CCNT1: variants seen among roughly 807,000 people sequenced by gnomAD.
CCNT1 encodes the protein cyclin T1.
CCNT1 carries 18 observed loss-of-function variants against 67.3 expected under a neutral mutation model. The observed-to-expected ratio is 0.27, with a 90% CI of 0.18 to 0.40. CCNT1 has a LOEUF of 0.40. Ranked by LOEUF, CCNT1 falls within the 10% of genes least tolerant of loss-of-function variation. The pLI, the probability that CCNT1 is intolerant of heterozygous loss-of-function variation, is 1.00. For missense variants in CCNT1, 744 were observed against 884.9 expected, an observed-to-expected ratio of 0.84 and a Z score of 2.02; for synonymous variants, 333 against 310.3, an observed-to-expected ratio of 1.07 and a Z score of -0.77.
intron 3 of CCNT1, among the ~76,000 whole-genome samples, chr12:48,704,795 C>T (rs1940329878): frequency 6.6e-6 from 1 of 151,818 alleles, no homozygotes; most frequent in Admixed American, 6.6e-5. Context: ...GCGACAAGAG[C>T]AAGATTCCGT....
intron 2 of CCNT1, among the ~76,000 whole-genome samples, chr12:48,712,608 A>G (rs2137245058): frequency 8.6e-6 from 1 of 116,308 alleles, no homozygotes; most frequent in East Asian, 4.8e-4. Flanking sequence ...AAAAAAAAAA[A>G]AAAAAAAAAA....
Position 48,690,916 on chromosome 12 carries a change from G to C in CCNT1, c.*2117C>G, listed in dbSNP as rs1940062082. ...CAAAGATACAGATGCAGACTAAATG[G>C]CACATTCCCTTTTGGAAACAGACTC... is the stretch of plus-strand genomic sequence containing the variant. On this transcript the variant is annotated 3_prime_UTR_variant, in exon 9 of 9. Transcript: ENST00000261900. 1 of 152,090 alleles carries C rather than the reference G, an allele frequency of 6.6e-6. No individual in the cohort carries two copies. The highest frequency in any genetic ancestry group is 2.1e-4 in the South Asian group (1 of 4,832). 9.4% of individuals were successfully genotyped at this position (152,090 alleles called of 1,614,324 possible).
At position 48,693,627 on chromosome 12, in the gene CCNT1, A is replaced by T. The variant is rs949231264; in HGVS notation, c.1587T>A (p.Ser529=). 43 of 1,614,048 alleles carry T rather than the reference A, an allele frequency of 2.7e-5. No homozygotes were observed. Among genetic ancestry groups the T allele is most frequent in the Non-Finnish European group, 3.5e-5 (41 of 1,180,046 alleles). ...CAGTACCAACTGGAAGTTGGGAATG[A>T]GAGTGCTTGTGTGAGTGGTGATTAT... The part of the protein sequence containing the change: ...HHHNHHSHKH[S]HSQLPVGTGN... The change falls in exon 9 of 9, where the codon TCT becomes TCA. Residue 529 remains serine (S), a synonymous_variant. Coordinates refer to ENST00000261900, the MANE Select transcript of CCNT1 (RefSeq NM_001240.4).
intron 3 of CCNT1, 150 bp downstream of exon 3, chr12:48,705,618 C>A (rs184848408): frequency 2.9e-6 from 2 of 682,224 alleles, no homozygotes; most frequent in East Asian, 5.6e-5. Flanking sequence ...CTAAAATATT[C>A]TTTTAACAAC....
rs754470311 is a variant in CCNT1 at position 48,693,348 on chromosome 12, G to A, written c.1866C>T (p.Gly622=). ...QMPGHSSDTS[G]LSFSQPSCKT... The stretch of plus-strand genomic sequence containing the variant: ...TACAGCTGGGCTGTGAAAAGGAAAG[G>A]CCACTTGTGTCTGAGCTATGCCCAG... Residue 622 remains glycine, a synonymous_variant, in exon 9 of 9, where the codon GGC becomes GGT. Transcript: ENST00000261900. 1.2e-6 allele frequency: 2 copies of A among 1,614,230 alleles called. No homozygotes were observed. Among genetic ancestry groups the A allele is most frequent in the South Asian group, 2.2e-5 (2 of 91,086 alleles).
rs1940347686 is a variant in CCNT1 at position 48,705,796 on chromosome 12, T to C, written c.344A>G (p.Gln115Arg). The C allele has an allele frequency of 6.2e-7, 1 of 1,612,698 alleles. No homozygotes were observed. ...IKVAHTCLHPQESLPDTRSEA... is the reference protein window; with the variant it reads ...IKVAHTCLHPRESLPDTRSEA... ...ACTTCTAGTATCAGGAAGGGATTCC[T>C]GAGGATGGAGACAAGTATGTGCTAC... is the stretch of plus-strand genomic sequence containing the variant. Residue 115 changes from glutamine (Q) to arginine (R), a missense_variant, in exon 3 of 9, where the codon CAG (glutamine) becomes CGG (arginine). Around this residue, in one of 3 missense-constraint regions of CCNT1, gnomAD observed 142 missense variants for 277.0 expected, o/e 0.51. Transcript: ENST00000261900.
chr12:48,704,574 G>A (rs1940325300), intron 3 of CCNT1, among the ~76,000 whole-genome samples: 1 of 152,190 alleles, frequency 6.6e-6, no homozygotes, highest in South Asian at 2.1e-4. Flanking sequence ...ACTGTGGGAG[G>A]CCAAGGCGGG....
At chr12:48,710,000 G>A (rs1940423987) in intron 2 of CCNT1, among the ~76,000 whole-genome samples, 1 of 151,578 alleles carries the variant, frequency 6.6e-6, no homozygotes, top group Non-Finnish European at 1.5e-5. Context: ...AAGCAATTCT[G>A]CCTCAGCCTC....
Position 48,692,392 on chromosome 12 carries a change from A to AC in CCNT1, c.*640dup, listed in dbSNP as rs1940089551. On this transcript the variant is annotated 3_prime_UTR_variant, in exon 9 of 9. Coordinates refer to ENST00000261900, the MANE Select transcript of CCNT1 (RefSeq NM_001240.4). ...CTTAAAAACACACATACCCACACTT[A>AC]CATACACACTTAAAAGTCTGAAAAA... 5 of 148,620 alleles carry AC rather than the reference A, an allele frequency of 3.4e-5. No individual in the cohort carries two copies. In the South Asian group the frequency reaches 1.0e-3, roughly 31 times the overall value. The allele number at this position is 148,620 out of a possible 1,614,324, so 9.2% of individuals were successfully genotyped here. A position where few individuals can be genotyped will look rare whatever the true frequency, so the allele number is the denominator to read the frequency against.
chr12:48,702,824 G>GA (rs898524236), intron 3 of CCNT1, among the ~76,000 whole-genome samples: 24 of 147,178 alleles, frequency 1.6e-4, no homozygotes, highest in African/African-American at 4.0e-4. Flanking sequence ...CTCAAAAAAA[G>GA]AAAAAAAAAA....
In CCNT1 at chr12:48,696,130, G is replaced by A; in HGVS notation, c.575C>T (p.Thr192Ile). 6.2e-7 allele frequency: 1 copy of A among 1,610,210 alleles called. No individual in the cohort carries two copies. Among genetic ancestry groups the A allele is most frequent in the Non-Finnish European group, 8.5e-7 (1 of 1,178,162 alleles). The part of the protein sequence containing the change: ...LHLTTFSLQY[T>I]PPVVACVCIH... The stretch of plus-strand genomic sequence containing the variant: ...GCAGACACAGGCCACCACAGGAGGT[G>A]TGTACTGCAGGCTAAATGTGGTCAA... Residue 192 changes from threonine to isoleucine, a missense_variant, in exon 7 of 9, where the codon ACA (threonine) becomes ATA (isoleucine). This residue lies in a region of CCNT1 where 142 missense variants were observed against 277.0 expected (regional missense o/e 0.51). Coordinates refer to ENST00000261900, the MANE Select transcript of CCNT1 (RefSeq NM_001240.4).
chr12:48,701,216 T>A (rs925834493), intron 3 of CCNT1, 143 bp from the exon 4 acceptor site: 36 of 166,458 alleles, frequency 2.2e-4, no homozygotes, highest in East Asian at 4.7e-4. Flanking sequence ...TGAAATACAA[T>A]CTTTTTTTTT....
In CCNT1 at chr12:48,708,059, C is replaced by T. The variant is rs78381680; in HGVS notation, c.244-2163G>A. ...CTCCAGCCTGGGCAACAGAGCCATA[C>T]TGTCTCAAAAAATAAAATAAAAGTT... On this transcript the variant is annotated intron_variant, in intron 2 of 8. Transcript: ENST00000261900. 5.8e-3 allele frequency among the ~76,000 whole-genome samples: 887 copies of T among 152,018 alleles called. 8 individuals carry two copies. The highest frequency in any genetic ancestry group is 0.02 in the African/African-American group (809 of 41,448).
At chr12:48,703,678 G>A (rs1436797368) in intron 3 of CCNT1, among the ~76,000 whole-genome samples, 2 of 151,960 alleles carry the variant, frequency 1.3e-5, no homozygotes, top group East Asian at 1.9e-4. Context: ...GCTCACGCCT[G>A]TAATCCCAGC....
chr12:48,702,059 G>T (rs1940279798), intron 3 of CCNT1, among the ~76,000 whole-genome samples: 1 of 151,906 alleles, frequency 6.6e-6, no homozygotes, highest in South Asian at 2.1e-4. Flanking sequence ...ACCACGCCCG[G>T]CTAGTTTTTG....
chr12:48,701,601 G>T (rs1239898913), intron 3 of CCNT1, among the ~76,000 whole-genome samples: 2 of 151,148 alleles, frequency 1.3e-5, no homozygotes, highest in Non-Finnish European at 3.0e-5. Context: ...TGTATTTTTT[G>T]CTTTTCTTTT....
intron 8 of CCNT1, 117 bp from the exon 9 acceptor site, chr12:48,694,553 A>G (rs1592117807): frequency 2.5e-6 from 2 of 809,724 alleles, no homozygotes; most frequent in East Asian, 2.5e-5. Flanking sequence ...CACAGGCAGG[A>G]GGCTATCCTA....
rs1329927462 is a variant in CCNT1, at chr12:48,714,503, A to G, written c.183T>C (p.Thr61=). The change falls in exon 2 of 9, where the codon ACT becomes ACC. Residue 61 remains threonine (T), a synonymous_variant. Transcript: ENST00000261900. ...RLNVSQLTIN[T]AIVYMHRFYM... ...AGAATCGATGCATGTATACTATAGC[A>G]GTGTTGATAGTCAATTGTGAGCTGA... is the stretch of plus-strand genomic sequence containing the variant. The G allele has an allele frequency of 1.9e-6, 3 of 1,609,244 alleles. No individual in the cohort carries two copies. In the South Asian group the frequency reaches 3.3e-5, roughly 18 times the overall value.
chr12:48,693,105 G>A lies in CCNT1; in HGVS notation c.2109C>T (p.Gly703=), dbSNP rs1336332070. Residue 703 remains glycine, a synonymous_variant, in exon 9 of 9, where the codon GGC becomes GGT. Coordinates refer to ENST00000261900, the MANE Select transcript of CCNT1 (RefSeq NM_001240.4). ...GTGGTGGCCGGGGTTTGTCTGTATT[G>A]CCAGATCTCGAGGAGATTCCACCAG... ...PRSGGISSRS[G]NTDKPRPPPL... is the part of the protein sequence containing the mutation. 1 of 1,613,922 alleles carries A rather than the reference G, an allele frequency of 6.2e-7. No individual in the cohort carries two copies. Among genetic ancestry groups the A allele is most frequent in the African/African-American group, 1.3e-5 (1 of 74,872 alleles).
Sources: gnomAD v4.1 joint callset for allele counts (sites outside exome capture counted in the v4.1 genomes callset) on GRCh38, gnomAD v4.1.1 for gene constraint, gnomAD v4.1.1 regional missense constraint, MANE v1.5 for transcripts, NCBI Gene and HGNC (gene_info 2026-07-23, HGNC 2026-07-21) for gene names.